Variants in SLC35F3 observed in about 807,000 individuals in gnomAD.
SLC35F3 encodes putative thiamine transporter SLC35F3.
SLC35F3 carries 25 observed loss-of-function variants against 49.9 expected under a neutral mutation model. The observed-to-expected ratio is 0.50, with a 90% CI of 0.37 to 0.70. SLC35F3 has a LOEUF of 0.70. Ranked by LOEUF, SLC35F3 falls within the 30% of genes least tolerant of loss-of-function variation. The pLI is 0.00. For missense variants in SLC35F3, 525 were observed against 639.8 expected, an observed-to-expected ratio of 0.82 and a Z score of 1.94; for synonymous variants, 275 against 265.4, an observed-to-expected ratio of 1.04 and a Z score of -0.35.
chr1:233,982,085 A>G lies in SLC35F3; in HGVS notation c.283+76327A>G, dbSNP rs549902916. 3.9e-5 allele frequency among the ~76,000 whole-genome samples: 6 copies of G among 152,114 alleles called. No individual in the cohort carries two copies. The South Asian group carries it at 1.2e-3, about 32-fold the overall frequency. On this transcript the variant is annotated intron_variant, in intron 2 of 7. Coordinates refer to ENST00000366618, the MANE Select transcript of SLC35F3 (RefSeq NM_173508.4). ...CCACAGGCTTGTGCCACCACGCCCA[A>G]CTAATTTTTTTAAATTTTTAGTAGA...
intron 2 of SLC35F3, among the ~76,000 whole-genome samples, chr1:234,064,729 G>A (rs12067175): frequency 1.3e-3 from 203 of 152,040 alleles, no homozygotes; most frequent in African/African-American, 4.7e-3. Context: ...AGAACACTGC[G>A]TTCAAATAGA....
chr1:234,067,861 T>C (rs1664645882), intron 2 of SLC35F3, among the ~76,000 whole-genome samples: 1 of 152,128 alleles, frequency 6.6e-6, no homozygotes, highest in Admixed American at 6.6e-5. Flanking sequence ...ATGGTGGTGG[T>C]GATTTGTTAC....
intron 2 of SLC35F3, among the ~76,000 whole-genome samples, chr1:233,953,061 C>G (rs1241038150): frequency 6.6e-6 from 1 of 152,092 alleles, no homozygotes; most frequent in Non-Finnish European, 1.5e-5. Context: ...GAAAAAAGAG[C>G]TTGAGACTTA....
rs773808904 is a variant in SLC35F3, at chr1:234,231,444, G to C, written c.311G>C (p.Gly104Ala). ...KREERPRDSP[G>A]PAEAQAPAGV... ...GAGGAGCGCCCCCGGGACTCCCCGG[G>C]CCCGGCGGAGGCCCAGGCACCGGCC... is the stretch of plus-strand genomic sequence containing the variant. Residue 104 changes from glycine (G) to alanine (A), a missense_variant, in exon 3 of 8, where the codon GGC becomes GCC. Physicochemically the swap from Gly to Ala is moderately conservative, Grantham distance 60. Transcript: ENST00000366618. This position sits in a 1 kb window ranked among gnomAD's most constrained non-coding sequence, Gnocchi z 5.4. 6.2e-7 allele frequency: 1 copy of C among 1,600,878 alleles called. No homozygotes were observed. Among genetic ancestry groups the C allele is most frequent in the South Asian group, 1.1e-5 (1 of 89,406 alleles).
chr1:234,214,589 C>T lies in SLC35F3; in HGVS notation c.284-16828C>T. 6.5e-7 allele frequency: 1 copy of T among 1,528,768 alleles called. No individual in the cohort carries two copies. The highest frequency in any genetic ancestry group is 8.8e-7 in the Non-Finnish European group (1 of 1,138,766). 94.7% of individuals were successfully genotyped at this position (1,528,768 alleles called of 1,614,324 possible). A position where few individuals can be genotyped will look rare whatever the true frequency, so the allele number is the denominator to read the frequency against. ...CAAAGTGGAAGGTAATGCGCGGCCG[C>T]CTCGCCCCGGGGGTCCCTGCACCCT... On this transcript the variant is annotated intron_variant, in intron 2 of 7. Coordinates refer to ENST00000366618, the MANE Select transcript of SLC35F3 (RefSeq NM_173508.4). This position sits in a 1 kb window ranked among gnomAD's most constrained non-coding sequence, Gnocchi z 8.0.
intron 3 of SLC35F3, among the ~76,000 whole-genome samples, chr1:234,250,599 A>G (rs1315943213): frequency 6.9e-6 from 1 of 145,770 alleles, no homozygotes; most frequent in Non-Finnish European, 1.5e-5. Flanking sequence ...GCTTGCAGTG[A>G]GCCGAGATCC....
At chr1:233,918,643 T>C (rs1035731057) in intron 2 of SLC35F3, among the ~76,000 whole-genome samples, 1 of 151,978 alleles carries the variant, frequency 6.6e-6, no homozygotes, top group Admixed American at 6.6e-5. Flanking sequence ...GGCGGGCACC[T>C]GTAATGCCAG....
intron 2 of SLC35F3, among the ~76,000 whole-genome samples, chr1:234,191,242 A>G (rs1666726015): frequency 6.6e-6 from 1 of 152,222 alleles, no homozygotes; most frequent in Admixed American, 6.5e-5. Context: ...AATTATGTCA[A>G]GTACTCTCTC....
chr1:234,304,109 CCTCT>C (rs1037704021), intron 3 of SLC35F3, among the ~76,000 whole-genome samples: 5 of 148,014 alleles, frequency 3.4e-5, no homozygotes, highest in African/African-American at 5.0e-5. Flanking sequence ...TTCCTCTCTC[CCTCT>C]CTCTCTCATT....
At chr1:234,314,249 T>G in intron 4 of SLC35F3, among the ~76,000 whole-genome samples, 1 of 150,184 alleles carries the variant, frequency 6.7e-6, no homozygotes, top group East Asian at 1.9e-4. Context: ...TGTCCAACCG[T>G]GCTCTCATTT....
At chr1:234,192,878 G>A (rs1221050809) in intron 2 of SLC35F3, among the ~76,000 whole-genome samples, 2 of 152,020 alleles carry the variant, frequency 1.3e-5, no homozygotes, top group South Asian at 2.1e-4. Context: ...AAATACTTTG[G>A]AATATACCTA....
intron 2 of SLC35F3, among the ~76,000 whole-genome samples, chr1:234,087,403 C>T (rs1664976732): frequency 6.6e-6 from 1 of 152,204 alleles, no homozygotes; most frequent in Non-Finnish European, 1.5e-5. Context: ...TCCGAAGGTC[C>T]ACAATCCGAG....
chr1:234,266,312 C>T (rs1166406010), intron 3 of SLC35F3, among the ~76,000 whole-genome samples: 1 of 151,660 alleles, frequency 6.6e-6, no homozygotes, highest in Non-Finnish European at 1.5e-5. Flanking sequence ...AAATGGCCAA[C>T]AAACATGAAA....
chr1:233,905,120 A>G lies in SLC35F3; in HGVS notation c.43A>G (p.Ser15Gly), dbSNP rs202224915. The G allele has an allele frequency of 3.8e-6, 6 of 1,559,648 alleles. No individual in the cohort carries two copies. In the East Asian group the frequency reaches 1.4e-4, roughly 37 times the overall value. The change falls in exon 1 of 8, where the codon AGC (serine) becomes GGC (glycine). Residue 15 changes from serine to glycine, a missense_variant. Coordinates refer to ENST00000366618, the MANE Select transcript of SLC35F3 (RefSeq NM_173508.4). Reference protein sequence around the residue: ...EFPSGAPRGKSIAVGMRRSPD... With the variant: ...EFPSGAPRGKGIAVGMRRSPD... ...TCCCAGCGGCGCACCCAGGGGCAAG[A>G]GCATTGCCGTGTGAGTAGCGCCCCG...
chr1:234,212,742 A>G (rs1258782437), intron 2 of SLC35F3: 1 of 152,254 alleles, frequency 6.6e-6, no homozygotes, highest in Non-Finnish European at 1.5e-5. Flanking sequence ...AATTTTATTG[A>G]TGAACTTGAT....
chr1:234,275,759 AAAAAAT>A (rs1244921604), intron 3 of SLC35F3, among the ~76,000 whole-genome samples: 4 of 137,058 alleles, frequency 2.9e-5, no homozygotes, highest in Admixed American at 2.1e-4. Context: ...ATTGAAAAAA[AAAAAAT>A]ATATATATAT....
At chr1:234,268,566 T>C (rs527482911) in intron 3 of SLC35F3, 2 of 152,068 alleles carry the variant, frequency 1.3e-5, no homozygotes, top group African/African-American at 2.4e-5. Context: ...CCAAAGAAAC[T>C]GTACAAAAAA....
At chr1:234,187,344 TC>T (rs1445177015) in intron 2 of SLC35F3, among the ~76,000 whole-genome samples, 1 of 151,976 alleles carries the variant, frequency 6.6e-6, no homozygotes, top group Non-Finnish European at 1.5e-5. Context: ...GAAGAGAGGA[TC>T]CCAGGCACAG....
At position 234,212,346 on chromosome 1, in the gene SLC35F3, G is replaced by A. The variant is rs139973167; in HGVS notation, c.284-19071G>A. On this transcript the variant is annotated intron_variant, in intron 2 of 7. Coordinates refer to ENST00000366618, the MANE Select transcript of SLC35F3 (RefSeq NM_173508.4). The stretch of plus-strand genomic sequence containing the variant: ...CAGGAGTGTACAGATGCTCAGGCAC[G>A]GTGAAGTCATGTATCATATATCAAA... Among the ~76,000 whole-genome samples the A allele has an allele frequency of 4.6e-4, 70 of 152,266 alleles. No homozygotes were observed. In the East Asian group the frequency reaches 0.012, roughly 25 times the overall value.
Sources: allele counts gnomAD v4.1 joint callset (sites outside exome capture counted in the v4.1 genomes callset), GRCh38; gene constraint gnomAD v4.1.1; non-coding constraint Gnocchi (gnomAD v3.1); transcripts MANE v1.5; gene names NCBI Gene and HGNC (gene_info 2026-07-23, HGNC 2026-07-21).